Variants in MARCHF4 observed in about 807,000 individuals in gnomAD.
The protein encoded by MARCHF4 is E3 ubiquitin-protein ligase MARCHF4.
In MARCHF4, 14 loss-of-function variants were observed where a neutral mutation model predicts 43.9. The ratio of observed to expected loss-of-function variants is 0.32; its 90% CI spans 0.21 to 0.50. The LOEUF (loss-of-function observed/expected upper bound fraction) is 0.50. Ranked by LOEUF, MARCHF4 falls within the 20% of genes least tolerant of loss-of-function variation. The probability of loss-of-function intolerance (pLI) is 0.98; values close to 1 mark genes in which losing one functional copy is unlikely to be tolerated. For synonymous variants in MARCHF4, 226 were observed against 213.3 expected, an observed-to-expected ratio of 1.06 and a Z score of -0.52; for missense variants, 468 against 536.7, an observed-to-expected ratio of 0.87 and a Z score of 1.27.
intron 1 of MARCHF4, among the ~76,000 whole-genome samples, chr2:216,320,191 G>A (rs930375712): frequency 2.6e-5 from 4 of 152,158 alleles, no homozygotes; most frequent in African/African-American, 7.2e-5. Context: ...AGCTGTTAAG[G>A]TATTACTCCT....
chr2:216,286,080 G>A (rs1209530415), intron 1 of MARCHF4, among the ~76,000 whole-genome samples: 1 of 152,202 alleles, frequency 6.6e-6, no homozygotes, highest in African/African-American at 2.4e-5. Flanking sequence ...TGCTAATCTG[G>A]GTGGAGAAAG....
intron 2 of MARCHF4, among the ~76,000 whole-genome samples, chr2:216,281,985 G>A (rs1691136410): frequency 6.6e-6 from 1 of 152,126 alleles, no homozygotes; most frequent in African/African-American, 2.4e-5. Context: ...AGGGTACTTT[G>A]GGGTGGGCTC....
chr2:216,356,094 A>C (rs10168379), intron 1 of MARCHF4, among the ~76,000 whole-genome samples: 2,970 of 152,346 alleles, frequency 0.019, 93 homozygotes, highest in African/African-American at 0.068. Flanking sequence ...TCACCATGGG[A>C]TAAATAAAAA....
At chr2:216,293,239 G>A (rs1312670044) in intron 1 of MARCHF4, among the ~76,000 whole-genome samples, 1 of 152,200 alleles carries the variant, frequency 6.6e-6, no homozygotes, top group Non-Finnish European at 1.5e-5. Flanking sequence ...TTCCCAGCCA[G>A]CTCATGCTGG....
At chr2:216,311,344 G>A (rs370144234) in intron 1 of MARCHF4, among the ~76,000 whole-genome samples, 23 of 152,018 alleles carry the variant, frequency 1.5e-4, no homozygotes, top group Admixed American at 9.2e-4. Flanking sequence ...TGCAACCTCC[G>A]CCTCCCAAGT....
In MARCHF4 at chr2:216,323,295, A is replaced by G. The variant is rs181523647; in HGVS notation, c.517-39566T>C. Among the ~76,000 whole-genome samples, 9 of 152,318 alleles carry G rather than the reference A, an allele frequency of 5.9e-5. No individual in the cohort carries two copies. The East Asian group carries it at 1.7e-3, about 29-fold the overall frequency. ...GCAAGATATGGCTCTTCCAGATACC[A>G]GTTGGAGAGGTTTGTATGTAATTTT... On this transcript the variant is annotated intron_variant, in intron 1 of 3. Coordinates refer to ENST00000273067, the MANE Select transcript of MARCHF4 (RefSeq NM_020814.3).
intron 1 of MARCHF4, among the ~76,000 whole-genome samples, chr2:216,316,844 G>T (rs1473946567): frequency 6.6e-6 from 1 of 152,140 alleles, no homozygotes; most frequent in Non-Finnish European, 1.5e-5. Flanking sequence ...TTTACTTTGA[G>T]AATCCTGGCA....
At chr2:216,318,925 G>C (rs144546941) in intron 1 of MARCHF4, among the ~76,000 whole-genome samples, 2 of 152,200 alleles carry the variant, frequency 1.3e-5, no homozygotes, top group Admixed American at 1.3e-4. Flanking sequence ...AGGGGAGGTA[G>C]GATTATGGAT....
chr2:216,311,557 C>T (rs890369153), intron 1 of MARCHF4, among the ~76,000 whole-genome samples: 2 of 152,104 alleles, frequency 1.3e-5, no homozygotes, highest in South Asian at 2.1e-4. Context: ...TGCACTCGGC[C>T]GTAAATCATG....
intron 1 of MARCHF4, among the ~76,000 whole-genome samples, chr2:216,307,058 C>A (rs1281129790): frequency 6.6e-6 from 1 of 152,124 alleles, no homozygotes; most frequent in Non-Finnish European, 1.5e-5. Context: ...CTCCAGGCCT[C>A]ACCCTGGGAG....
At chr2:216,324,494 C>T (rs1476911642) in intron 1 of MARCHF4, among the ~76,000 whole-genome samples, 2 of 151,918 alleles carry the variant, frequency 1.3e-5, no homozygotes, top group Admixed American at 6.6e-5. Context: ...ATACAAAAGC[C>T]GGGCAGAGAC....
At chr2:216,336,742 TAAAAA>T (rs58031229) in intron 1 of MARCHF4, among the ~76,000 whole-genome samples, 1,223 of 55,670 alleles carry the variant, frequency 0.022, 42 homozygotes, top group African/African-American at 0.056. Context: ...CAAATAGATT[TAAAAA>T]AAAAAAAAAA....
At chr2:216,315,358 A>T (rs73988368) in intron 1 of MARCHF4, among the ~76,000 whole-genome samples, 4 of 152,148 alleles carry the variant, frequency 2.6e-5, no homozygotes, top group African/African-American at 9.7e-5. Context: ...CCCTTTCTAG[A>T]AAACAGAGAG....
chr2:216,369,938 G>C lies in MARCHF4; in HGVS notation c.323C>G (p.Pro108Arg), dbSNP rs768631291. ...TTCCACAGAAGAAGGTGGCAAGGGG[G>C]GTGGAGGTGGCACAGGAGGGGGCTC... ...GREPPPVPPP[P>R]PLPPSSVEDD... The change falls in exon 1 of 4, where the codon CCC (proline) becomes CGC (arginine). Residue 108 changes from proline to arginine, a missense_variant. Coordinates refer to ENST00000273067, the MANE Select transcript of MARCHF4 (RefSeq NM_020814.3). 23 of 1,603,402 alleles carry C rather than the reference G, an allele frequency of 1.4e-5. No individual in the cohort carries two copies. The highest frequency in any genetic ancestry group is 1.7e-5 in the Admixed American group (1 of 58,648).
intron 1 of MARCHF4, among the ~76,000 whole-genome samples, chr2:216,319,548 C>T (rs75803975): frequency 0.032 from 4,805 of 152,184 alleles, 262 homozygotes; most frequent in African/African-American, 0.11. Flanking sequence ...AATTTCTTTA[C>T]CTCATTCTTA....
At chr2:216,365,345 A>T (rs1299878810) in intron 1 of MARCHF4, among the ~76,000 whole-genome samples, 1 of 152,194 alleles carries the variant, frequency 6.6e-6, no homozygotes, top group Non-Finnish European at 1.5e-5. Flanking sequence ...TTCCAGATAC[A>T]CGTCCTACTT....
At chr2:216,346,654 G>T (rs1302471221) in intron 1 of MARCHF4, among the ~76,000 whole-genome samples, 1 of 152,190 alleles carries the variant, frequency 6.6e-6, no homozygotes, top group Non-Finnish European at 1.5e-5. Context: ...CATAAGTAAG[G>T]AGATGAAAGC....
chr2:216,340,860 T>C (rs563911187), intron 1 of MARCHF4, among the ~76,000 whole-genome samples: 28 of 152,306 alleles, frequency 1.8e-4, no homozygotes, highest in African/African-American at 6.0e-4. Flanking sequence ...TACCCCAGTC[T>C]ACTCAGTGAT....
In MARCHF4 at chr2:216,371,893, T is replaced by G. The variant is rs1391714437; in HGVS notation, c.-1633A>C. ...GCTCTCTGCCCCCCCACCCCGCCCCTTCCTCCTCTCCACCGCCTCTGGCTG... is the reference window on the plus strand; with the variant it reads ...GCTCTCTGCCCCCCCACCCCGCCCCGTCCTCCTCTCCACCGCCTCTGGCTG... On this transcript the variant is annotated 5_prime_UTR_variant, in exon 1 of 4. Transcript: ENST00000273067. 9.7e-6 allele frequency: 1 copy of G among 102,914 alleles called. No homozygotes were observed. The highest frequency in any genetic ancestry group is 2.2e-5 in the Non-Finnish European group (1 of 45,460). The allele number at this position is 102,914 out of a possible 1,614,324, so 6.4% of individuals were successfully genotyped here.
Sources: gnomAD v4.1 joint callset for allele counts (sites outside exome capture counted in the v4.1 genomes callset) on GRCh38, gnomAD v4.1.1 for gene constraint, MANE v1.5 for transcripts, NCBI Gene and HGNC (gene_info 2026-07-23, HGNC 2026-07-21) for gene names.